Variants in ANK2 observed in about 807,000 individuals in gnomAD.
ANK2 encodes the protein ankyrin 2.
ANK2 carries 83 observed loss-of-function variants against 360.5 expected under a neutral mutation model. The observed-to-expected ratio is 0.23, with a 90% confidence interval of 0.19 to 0.28. ANK2 has a LOEUF of 0.28. ANK2 is among the 10% of genes least tolerant of loss of function. ANK2 has a pLI of 1.00. For synonymous variants in ANK2, 1,740 were observed against 1,759.5 expected (o/e 0.99, Z 0.28); for missense variants, 4,201 against 4,795.7 (o/e 0.88, Z 3.66).
intron 1 of ANK2, among the ~76,000 whole-genome samples, chr4:112,857,488 A>G (rs1424837982): frequency 6.6e-6 from 1 of 152,170 alleles, no homozygotes; most frequent in African/African-American, 2.4e-5. Context: ...TTGAAAAACT[A>G]CTGGGAAATA....
chr4:112,821,771 ATTT>A (rs70958489), intron 1 of ANK2, among the ~76,000 whole-genome samples: 1 of 135,414 alleles, frequency 7.4e-6, no homozygotes, highest in Non-Finnish European at 1.6e-5. Context: ...TGAGTCATAG[ATTT>A]TTTTTTTTTT....
intron 1 of ANK2, among the ~76,000 whole-genome samples, chr4:112,823,559 T>G (rs2057695005): frequency 8.4e-6 from 1 of 119,686 alleles, no homozygotes; most frequent in East Asian, 2.9e-4. Context: ...AAGATGTAAC[T>G]AAGAGGAAAT....
intron 1 of ANK2, among the ~76,000 whole-genome samples, chr4:112,830,263 C>G (rs1279090025): frequency 6.6e-6 from 1 of 152,214 alleles, no homozygotes; most frequent in Non-Finnish European, 1.5e-5. Flanking sequence ...AGCCCATCAA[C>G]AGTGGACTGG....
chr4:112,948,422 AG>A (rs2094706259), intron 2 of ANK2, among the ~76,000 whole-genome samples: 1 of 152,126 alleles, frequency 6.6e-6, no homozygotes, highest in African/African-American at 2.4e-5. Flanking sequence ...GATAATGAAA[AG>A]TAACAGAAAT....
intron 2 of ANK2, among the ~76,000 whole-genome samples, chr4:112,967,798 A>G (rs1001923942): frequency 6.6e-6 from 1 of 152,216 alleles, no homozygotes; most frequent in Non-Finnish European, 1.5e-5. Flanking sequence ...GGTGGCAGAA[A>G]CAGAGAGATA....
At chr4:113,049,632 C>T (rs2066014739), upstream of ANK2, 2 of 1,521,558 alleles carry the variant, frequency 1.3e-6, no homozygotes, top group East Asian at 2.5e-5. Context: ...ACCCCTCCTC[C>T]TCCTCCTGCT....
rs114080898 is a variant in ANK2 at position 112,855,771 on chromosome 4, A to G, written c.-40+37507A>G. 5.3e-3 allele frequency among the ~76,000 whole-genome samples: 804 copies of G among 152,226 alleles called. 11 individuals are homozygous for G. Among genetic ancestry groups the G allele is most frequent in the African/African-American group, 0.018 (748 of 41,514 alleles). ...CCAGTGTTCAGAATCAGGCAGGCTC[A>G]CTCCAGAGTCCATGTCTGGATATGG... On this transcript the variant is annotated intron_variant, in intron 1 of 30. Transcript: ENST00000503271.
chr4:113,063,882 A>C (rs1480418564), intron 1 of ANK2, among the ~76,000 whole-genome samples: 2 of 152,190 alleles, frequency 1.3e-5, no homozygotes, highest in African/African-American at 2.4e-5. Flanking sequence ...AATAAAAAAA[A>C]CCACCTTCCT....
At chr4:112,957,491 A>G (rs993526315) in intron 2 of ANK2, among the ~76,000 whole-genome samples, 3 of 151,844 alleles carry the variant, frequency 2.0e-5, no homozygotes, top group Non-Finnish European at 2.9e-5. Context: ...CCACAAAACC[A>G]CCATTGTCAT....
At chr4:113,306,063 G>A (rs2077117174) in intron 23 of ANK2, among the ~76,000 whole-genome samples, 1 of 152,152 alleles carries the variant, frequency 6.6e-6, no homozygotes, top group Non-Finnish European at 1.5e-5. Flanking sequence ...AACAAATAAT[G>A]AATATGATGT....
At chr4:113,037,874 G>T (rs1291550274) in intron 2 of ANK2, among the ~76,000 whole-genome samples, 1 of 151,996 alleles carries the variant, frequency 6.6e-6, no homozygotes, top group African/African-American at 2.4e-5. Context: ...ATGTAAATCA[G>T]AACTAAAGAC....
intron 2 of ANK2, among the ~76,000 whole-genome samples, chr4:112,971,036 AATC>A (rs1407293156): frequency 6.6e-6 from 1 of 152,218 alleles, no homozygotes; most frequent in East Asian, 1.9e-4. Context: ...GGGAAATAAA[AATC>A]ATGATTACAT....
intron 43 of ANK2, 85 bp from the exon 44 acceptor site, chr4:113,373,005 C>A: frequency 8.7e-7 from 1 of 1,155,954 alleles, no homozygotes; most frequent in Non-Finnish European, 1.3e-6. Flanking sequence ...GATTTTCTAA[C>A]ATTCCTCACA....
At chr4:112,929,588 G>C (rs2092953608) in intron 2 of ANK2, among the ~76,000 whole-genome samples, 1 of 152,216 alleles carries the variant, frequency 6.6e-6, no homozygotes, top group Non-Finnish European at 1.5e-5. Flanking sequence ...GCCAGCATAG[G>C]CACTAGCCAG....
intron 1 of ANK2, among the ~76,000 whole-genome samples, chr4:113,053,116 G>A (rs375970942): frequency 6.6e-6 from 1 of 152,170 alleles, no homozygotes; most frequent in Non-Finnish European, 1.5e-5. Context: ...CATGGTCAGA[G>A]TGGCCTTGTC....
At chr4:113,283,888 A>G (rs528993011) in intron 18 of ANK2, among the ~76,000 whole-genome samples, 2 of 152,328 alleles carry the variant, frequency 1.3e-5, no homozygotes, top group African/African-American at 4.8e-5. Flanking sequence ...AGTATCAGTG[A>G]TAAGTTGGTC....
chr4:113,200,037 T>C (rs1413635599), intron 4 of ANK2, among the ~76,000 whole-genome samples: 1 of 152,236 alleles, frequency 6.6e-6, no homozygotes, highest in Non-Finnish European at 1.5e-5. Flanking sequence ...CCCTATTTTC[T>C]TTGATTTTAA....
At chr4:112,862,276 T>C (rs1370235176) in intron 1 of ANK2, among the ~76,000 whole-genome samples, 1 of 152,250 alleles carries the variant, frequency 6.6e-6, no homozygotes. Context: ...TAGGATACAA[T>C]ATCTTTCCTT....
chr4:112,937,843 A>G (rs934002156), intron 2 of ANK2, among the ~76,000 whole-genome samples: 1 of 152,232 alleles, frequency 6.6e-6, no homozygotes, highest in African/African-American at 2.4e-5. Flanking sequence ...GGTGGTCCTT[A>G]GAAAAGATGG....
Sources: gnomAD v4.1 joint callset for allele counts (sites outside exome capture counted in the v4.1 genomes callset) on GRCh38, gnomAD v4.1.1 for gene constraint, MANE v1.5 for transcripts, NCBI Gene and HGNC (gene_info 2026-07-23, HGNC 2026-07-21) for gene names.